P4HB: variants seen among roughly 807,000 people sequenced by gnomAD.
The protein encoded by P4HB is protein disulfide-isomerase.
P4HB carries 20 observed loss-of-function variants against 52.6 expected under a neutral mutation model. The observed-to-expected ratio is 0.38, with a 90% confidence interval of 0.27 to 0.55. P4HB has a LOEUF of 0.55. Among genes scored for constraint, P4HB ranks in the 20% least tolerant of loss-of-function variants. The probability of loss-of-function intolerance (pLI) is 0.74; values close to 1 mark genes in which losing one functional copy is unlikely to be tolerated. For synonymous variants in P4HB, 296 were observed against 277.9 expected (o/e 1.07, Z -0.65); for missense variants, 601 against 669.2 (o/e 0.90, Z 1.12).
chr17:81,853,531 G>A (rs1598268883), intron 4 of P4HB, among the ~76,000 whole-genome samples: 3 of 151,620 alleles, frequency 2.0e-5, no homozygotes, highest in Middle Eastern at 6.8e-3. Context: ...CTGAGATCGC[G>A]CCACTGCACT....
chr17:81,844,682 G>A (rs950155912), intron 10 of P4HB, among the ~76,000 whole-genome samples: 19 of 152,122 alleles, frequency 1.2e-4, no homozygotes, highest in Admixed American at 1.2e-3. Context: ...CGCCCCTGCC[G>A]CATCCTCCCA....
chr17:81,860,277 C>T, intron 1 of P4HB, 50 bp downstream of exon 1: 1 of 1,355,268 alleles, frequency 7.4e-7, no homozygotes, highest in Non-Finnish European at 9.5e-7. Flanking sequence ...GTCCCAAGAG[C>T]CTGGCTCAGC....
intron 4 of P4HB, among the ~76,000 whole-genome samples, chr17:81,852,871 G>A (rs917272064): frequency 6.6e-6 from 1 of 152,354 alleles, no homozygotes; most frequent in African/African-American, 2.4e-5. Context: ...CACAGGGTTC[G>A]CGAGTTTCGT....
rs2038905916 is a variant in P4HB at position 81,855,876 on chromosome 17, C to CT, written c.353-291dup. On this transcript the variant is annotated intron_variant, in intron 2 of 10. Transcript: ENST00000331483. The surrounding 1 kb of genome is among the most constrained non-coding windows in gnomAD (Gnocchi z 4.3). ...TTTTTCTCTGATCTCTCTGCATTTT[C>CT]TTTTTTCTTTTGACACAGGGGCTCA... 1 of 344,946 alleles carries CT rather than the reference C, an allele frequency of 2.9e-6. No homozygotes were observed. The highest frequency in any genetic ancestry group is 5.3e-6 in the Non-Finnish European group (1 of 190,056). The allele number at this position is 344,946 out of a possible 1,614,324, so 21.4% of individuals were successfully genotyped here. A position where few individuals can be genotyped will look rare whatever the true frequency, so the allele number is the denominator to read the frequency against.
At position 81,854,039 on chromosome 17, in the gene P4HB, GAGA is replaced by G. The variant is rs1258756548; in HGVS notation, c.624+1100_624+1102del. ...ACACTGTCCAGGAGCCCTTCCCCAG[GAGA>G]AGGACAGCGGGATCAGGATGGCAGT... On this transcript the variant is annotated intron_variant, in intron 4 of 10. Coordinates refer to ENST00000331483, the MANE Select transcript of P4HB (RefSeq NM_000918.4). 3.3e-5 allele frequency among the ~76,000 whole-genome samples: 5 copies of G among 152,252 alleles called. No homozygotes were observed. The East Asian group carries it at 7.7e-4, about 23-fold the overall frequency.
chr17:81,860,342 G>T lies in P4HB; in HGVS notation c.130C>A (p.Leu44Met). Residue 44 changes from leucine to methionine, a missense_variant, in exon 1 of 11, where the codon CTG becomes ATG. Physicochemically the swap from Leu to Met is conservative, Grantham distance 15 (BLOSUM62 2). Coordinates refer to ENST00000331483, the MANE Select transcript of P4HB (RefSeq NM_000918.4). ...FAEALAAHKY[L>M]LVEFYAPWCG... Reference sequence around the variant, plus strand: ...CGGCGCTCACAGAACTCCACCAGCAGGTACTTGTGGGCCGCCAGCGCCTCC... The same window carrying T: ...CGGCGCTCACAGAACTCCACCAGCATGTACTTGTGGGCCGCCAGCGCCTCC... The T allele has an allele frequency of 6.8e-7, 1 of 1,472,110 alleles. No homozygotes were observed. Among genetic ancestry groups the T allele is most frequent in the Non-Finnish European group, 9.0e-7 (1 of 1,110,732 alleles). The allele number at this position is 1,472,110 out of a possible 1,614,324, so 91.2% of individuals were successfully genotyped here.
intron 4 of P4HB, among the ~76,000 whole-genome samples, chr17:81,849,956 T>G (rs1049207319): frequency 1.7e-4 from 26 of 151,706 alleles, no homozygotes; most frequent in Admixed American, 1.4e-3. Flanking sequence ...GCCTCCCGAG[T>G]AGCTGGGATC....
chr17:81,853,755 C>A (rs1305824499), intron 4 of P4HB, among the ~76,000 whole-genome samples: 1 of 152,110 alleles, frequency 6.6e-6, no homozygotes, highest in Admixed American at 6.6e-5. Context: ...CCCCCGGCCG[C>A]CCTCCTGCCC....
chr17:81,846,094 GCA>G lies in P4HB; in HGVS notation c.1057-105_1057-104del. 7.3e-7 allele frequency: 1 copy of G among 1,361,208 alleles called. No homozygotes were observed. The highest frequency in any genetic ancestry group is 9.7e-7 in the Non-Finnish European group (1 of 1,025,806). The allele number at this position is 1,361,208 out of a possible 1,614,324, so 84.3% of individuals were successfully genotyped here. On this transcript the variant is annotated intron_variant, in intron 7 of 10. Transcript: ENST00000331483. The surrounding 1 kb of genome is among the most constrained non-coding windows in gnomAD (Gnocchi z 5.7). ...GGACTGAGGTGCGTGGCTGCCCTGG[GCA>G]CACCAGGGTGGCAGCCGCAGACACC...
At chr17:81,845,010 G>A (rs2038711025) in intron 10 of P4HB, 134 bp downstream of exon 10, 2 of 729,148 alleles carry the variant, frequency 2.7e-6, no homozygotes, top group Admixed American at 2.3e-5. Flanking sequence ...AAGGTGTGGG[G>A]CCCCAGAGCC....
chr17:81,858,349 C>T (rs1020632524), intron 2 of P4HB, among the ~76,000 whole-genome samples: 18 of 150,646 alleles, frequency 1.2e-4, no homozygotes, highest in Admixed American at 7.9e-4. Flanking sequence ...GGACAGGGCA[C>T]ACCTGCTTAA....
chr17:81,859,691 T>G (rs888572611), intron 1 of P4HB: 1 of 435,030 alleles, frequency 2.3e-6, no homozygotes, highest in Non-Finnish European at 4.3e-6. Context: ...CACAGGCAAC[T>G]AAGGCAAGGA....
intron 4 of P4HB, among the ~76,000 whole-genome samples, chr17:81,849,123 G>A (rs1318993061): frequency 6.6e-6 from 1 of 152,012 alleles, no homozygotes; most frequent in Non-Finnish European, 1.5e-5. Flanking sequence ...CTACTTGGGA[G>A]GCTGAGGCAG....
chr17:81,845,950 C>T lies in P4HB; in HGVS notation c.1098G>A (p.Lys366=), dbSNP rs755447281. 2.5e-6 allele frequency: 4 copies of T among 1,613,176 alleles called. No homozygotes were observed. The highest frequency in any genetic ancestry group is 4.5e-5 in the East Asian group (2 of 44,862). ...TCCCAACAAGCACCTTGACAGGCTG[C>T]TTGTCCCAGTCCTCCGGCAGCTCCT... ...MSQELPEDWD[K]QPVKVLVGKN... The change falls in exon 8 of 11, where the codon AAG becomes AAA. Residue 366 remains lysine, a synonymous_variant. Transcript: ENST00000331483.
At chr17:81,850,993 G>A (rs2038822565) in intron 4 of P4HB, among the ~76,000 whole-genome samples, 1 of 151,190 alleles carries the variant, frequency 6.6e-6, no homozygotes, top group African/African-American at 2.4e-5. Flanking sequence ...GTGCAGTGGT[G>A]CTTCTCGGCT....
At position 81,843,597 on chromosome 17, in the gene P4HB, A is replaced by C. The variant is rs562857463; in HGVS notation, c.*415T>G. 4 of 442,662 alleles carry C rather than the reference A, an allele frequency of 9.0e-6. No individual in the cohort carries two copies. The highest frequency in any genetic ancestry group is 3.9e-5 in the Admixed American group (1 of 25,870). The allele number at this position is 442,662 out of a possible 1,614,324, so 27.4% of individuals were successfully genotyped here. A position where few individuals can be genotyped will look rare whatever the true frequency, so the allele number is the denominator to read the frequency against. On this transcript the variant is annotated 3_prime_UTR_variant, in exon 11 of 11. Transcript: ENST00000331483. ...ACACGGGGGACAAGCTTCTCCGAGG[A>C]GGCCTGGCCAAGGTGGAACAAATAC...
chr17:81,857,052 G>T (rs1355505145), intron 2 of P4HB, among the ~76,000 whole-genome samples: 5 of 152,192 alleles, frequency 3.3e-5, no homozygotes, highest in Non-Finnish European at 5.9e-5. Flanking sequence ...CAAAGTGCTG[G>T]GATTACCGGG....
chr17:81,859,841 T>C (rs559002618), intron 1 of P4HB: 33 of 208,258 alleles, frequency 1.6e-4, no homozygotes, highest in African/African-American at 5.3e-4. Context: ...AATAAGACGA[T>C]CTGTCAATAG....
Position 81,855,989 on chromosome 17 carries a change from C to T in P4HB, c.353-403G>A, listed in dbSNP as rs1006534794. 1 of 173,284 alleles carries T rather than the reference C, an allele frequency of 5.8e-6. No individual in the cohort carries two copies. The highest frequency in any genetic ancestry group is 1.5e-4 in the South Asian group (1 of 6,636). The allele number at this position is 173,284 out of a possible 1,614,324, so 10.7% of individuals were successfully genotyped here. A position where few individuals can be genotyped will look rare whatever the true frequency, so the allele number is the denominator to read the frequency against. On this transcript the variant is annotated intron_variant, in intron 2 of 10. Transcript: ENST00000331483. The surrounding 1 kb of genome is among the most constrained non-coding windows in gnomAD (Gnocchi z 4.3). ...GCTCAAGCAATCTTCCCAACCTCAG[C>T]CTCCTGAGTATCTGGGGTACAGATG...
Sources: allele counts gnomAD v4.1 joint callset (sites outside exome capture counted in the v4.1 genomes callset), GRCh38; gene constraint gnomAD v4.1.1; non-coding constraint Gnocchi (gnomAD v3.1); transcripts MANE v1.5; gene names NCBI Gene and HGNC (gene_info 2026-07-23, HGNC 2026-07-21).